Variants in PCDHA12 observed in about 807,000 individuals in gnomAD.
PCDHA12 encodes the protein protocadherin alpha-12.
In PCDHA12, 44 loss-of-function variants were observed where a neutral mutation model predicts 60.0. That is an observed-to-expected ratio of 0.73 (90% CI 0.58 to 0.94). The LOEUF (loss-of-function observed/expected upper bound fraction) is 0.94. Ranked by LOEUF, PCDHA12 falls within the 40% of genes least tolerant of loss-of-function variation. PCDHA12 has a pLI of 0.00. For missense variants in PCDHA12, 1,276 were observed against 1,239.7 expected (o/e 1.03, Z -0.44); for synonymous variants, 569 against 553.0 (o/e 1.03, Z -0.40).
rs782776948 is a variant in PCDHA12 at position 141,009,898 on chromosome 5, A to T, written c.2787A>T (p.Lys929Asn). The T allele has an allele frequency of 5.6e-6, 9 of 1,613,182 alleles. No individual in the cohort carries two copies. Among genetic ancestry groups the T allele is most frequent in the Admixed American group, 1.7e-5 (1 of 59,722 alleles). The change falls in exon 4 of 4, where the codon AAA (lysine) becomes AAT (asparagine). Residue 929 changes from lysine (K) to asparagine (N), a missense_variant. Physicochemically the swap from Lys to Asn is moderately conservative, Grantham distance 94 (BLOSUM62 0). Transcript: ENST00000398631. ...AGGGTAACAAGACCCAGGAGAAAAA[A>T]GAGAAAGGGAACAGCACGACTGACA... ...KKKGNKTQEK[K>N]EKGNSTTDNS...
intron 1 of PCDHA12, among the ~76,000 whole-genome samples, chr5:140,892,821 T>C (rs2063687425): frequency 6.6e-6 from 1 of 152,210 alleles, no homozygotes; most frequent in Non-Finnish European, 1.5e-5. Context: ...TATCCTACAG[T>C]GCTACAGTGC....
rs2055464602 is a variant in PCDHA12 at position 140,875,413 on chromosome 5, C to T, written c.-60C>T. 1.3e-6 allele frequency: 2 copies of T among 1,507,300 alleles called. No individual in the cohort carries two copies. The highest frequency in any genetic ancestry group is 2.7e-5 in the South Asian group (2 of 74,540). The allele number at this position is 1,507,300 out of a possible 1,614,324, so 93.4% of individuals were successfully genotyped here. ...GAAAAGGGTGACTGCTCATAAAATA[C>T]CTCAGGCAAGCGATCCCTTAAAACT... is the stretch of plus-strand genomic sequence containing the variant. On this transcript the variant is annotated 5_prime_UTR_variant, in exon 1 of 4. Transcript: ENST00000398631.
chr5:140,885,229 C>A (rs1410460890), intron 1 of PCDHA12, among the ~76,000 whole-genome samples: 2 of 151,932 alleles, frequency 1.3e-5, no homozygotes, highest in African/African-American at 4.8e-5. Context: ...TGTGATTCTG[C>A]TTTCAATTTT....
chr5:140,929,159 A>G lies in PCDHA12; in HGVS notation c.2368-49790A>G, dbSNP rs781818133. The G allele has an allele frequency of 1.7e-5, 27 of 1,613,968 alleles. No homozygotes were observed. Among genetic ancestry groups the G allele is most frequent in the South Asian group, 1.4e-4 (13 of 91,088 alleles). On this transcript the variant is annotated intron_variant, in intron 1 of 3. Coordinates refer to ENST00000398631, the MANE Select transcript of PCDHA12 (RefSeq NM_018903.4). The stretch of plus-strand genomic sequence containing the variant: ...GAGAGACTTTCTCAGACTTATCTCT[A>G]TCGGGCCTCTCTGGGACTTGGTTCT...
At chr5:140,985,154 G>T (rs2097139142) in intron 3 of PCDHA12, among the ~76,000 whole-genome samples, 1 of 152,086 alleles carries the variant, frequency 6.6e-6, no homozygotes, top group South Asian at 2.1e-4. Flanking sequence ...AGCCAGGATT[G>T]TCTCAATCTC....
At chr5:140,999,784 T>C (rs1176844844) in intron 3 of PCDHA12, among the ~76,000 whole-genome samples, 1 of 152,202 alleles carries the variant, frequency 6.6e-6, no homozygotes, top group African/African-American at 2.4e-5. Context: ...AACCTAGAAA[T>C]GGCAGAGTTA....
At chr5:140,979,865 G>C (rs2096867408) in intron 2 of PCDHA12, among the ~76,000 whole-genome samples, 1 of 152,162 alleles carries the variant, frequency 6.6e-6, no homozygotes, top group Non-Finnish European at 1.5e-5. Flanking sequence ...CAAAATATCT[G>C]GGCAACTATC....
chr5:140,967,980 A>G (rs1554230169), intron 1 of PCDHA12: 1 of 1,614,198 alleles, frequency 6.2e-7, no homozygotes, highest in African/African-American at 1.3e-5. Context: ...CTGGGTCTGG[A>G]GGCCACACTG....
At chr5:140,967,351 G>C in intron 1 of PCDHA12, 1 of 1,608,106 alleles carries the variant, frequency 6.2e-7, no homozygotes, top group South Asian at 1.1e-5. Context: ...ACTTCGAGCT[G>C]GACCTTAAGC....
intron 1 of PCDHA12, chr5:140,928,865 A>G: frequency 6.2e-7 from 1 of 1,614,072 alleles, no homozygotes; most frequent in Non-Finnish European, 8.5e-7. Flanking sequence ...CTGTTGAGCA[A>G]CTCTGTCCCT....
In PCDHA12 at chr5:140,884,360, G is replaced by A. The variant is rs782401694; in HGVS notation, c.2367+6521G>A. On this transcript the variant is annotated intron_variant, in intron 1 of 3. Coordinates refer to ENST00000398631, the MANE Select transcript of PCDHA12 (RefSeq NM_018903.4). ...AGAAGCGGCGCTGGTGGATGTCAAT[G>A]TTTACTTGATCATTGCCATCTGCGC... The A allele has an allele frequency of 3.1e-6, 5 of 1,613,852 alleles. No individual in the cohort carries two copies. The African/African-American group carries it at 4.0e-5, about 13-fold the overall frequency.
intron 1 of PCDHA12, among the ~76,000 whole-genome samples, chr5:140,898,007 A>G (rs1477147548): frequency 2.3e-4 from 35 of 152,100 alleles, no homozygotes; most frequent in African/African-American, 8.5e-4. Context: ...GTGTCTGTTC[A>G]TATCCTTTGC....
At chr5:140,948,784 T>C (rs1486580473) in intron 1 of PCDHA12, among the ~76,000 whole-genome samples, 6 of 151,646 alleles carry the variant, frequency 4.0e-5, no homozygotes, top group African/African-American at 1.4e-4. Flanking sequence ...CTTTTGGCTT[T>C]GTTGATATAT....
At chr5:140,928,122 A>C in intron 1 of PCDHA12, 1 of 1,614,196 alleles carries the variant, frequency 6.2e-7, no homozygotes, top group Non-Finnish European at 8.5e-7. Context: ...AGATCAGTGA[A>C]TACCAAGTCC....
chr5:140,991,317 T>C (rs2097444971), intron 3 of PCDHA12, among the ~76,000 whole-genome samples: 1 of 152,208 alleles, frequency 6.6e-6, no homozygotes, highest in Admixed American at 6.5e-5. Flanking sequence ...TCCCGCATGA[T>C]ACATGAAGGG....
intron 1 of PCDHA12, among the ~76,000 whole-genome samples, chr5:140,945,084 G>A (rs2093736806): frequency 6.6e-6 from 1 of 151,822 alleles, no homozygotes; most frequent in Admixed American, 6.6e-5. Context: ...AACACTCTTG[G>A]AACTAATAAA....
chr5:140,895,170 T>C (rs2064890754), intron 1 of PCDHA12, among the ~76,000 whole-genome samples: 1 of 152,176 alleles, frequency 6.6e-6, no homozygotes, highest in Admixed American at 6.5e-5. Flanking sequence ...TCCAATCTAT[T>C]TGTAGTCCCT....
intron 1 of PCDHA12, chr5:140,966,700 G>T: frequency 7.3e-7 from 1 of 1,365,440 alleles, no homozygotes; most frequent in Non-Finnish European, 9.4e-7. Context: ...GGGCCCGGGC[G>T]TGGGGCACGG....
intron 3 of PCDHA12, among the ~76,000 whole-genome samples, chr5:141,002,404 C>T (rs1167193365): frequency 2.0e-5 from 3 of 152,200 alleles, no homozygotes; most frequent in African/African-American, 7.2e-5. Context: ...CTCTGTGCCT[C>T]CCAAATAGTA....
Sources: allele counts gnomAD v4.1 joint callset (sites outside exome capture counted in the v4.1 genomes callset), GRCh38; gene constraint gnomAD v4.1.1; transcripts MANE v1.5; gene names NCBI Gene and HGNC (gene_info 2026-07-23, HGNC 2026-07-21).